CERS6: variants seen among roughly 807,000 people sequenced by gnomAD.
CERS6 encodes LAG1 homolog, ceramide synthase 6.
A neutral mutation model predicts 56.8 loss-of-function variants in CERS6; 26 were observed. The ratio of observed to expected loss-of-function variants is 0.46; its 90% CI spans 0.34 to 0.63. The LOEUF is 0.63. Among genes scored for constraint, CERS6 ranks in the 30% least tolerant of loss-of-function variants. The pLI, the probability that CERS6 is intolerant of heterozygous loss-of-function variation, is 0.01. For synonymous variants in CERS6, 164 were observed against 173.3 expected, an observed-to-expected ratio of 0.95 and a Z score of 0.42; for missense variants, 415 against 467.5, an observed-to-expected ratio of 0.89 and a Z score of 1.04.
chr2:168,765,476 C>A, intron 8 of CERS6, 116 bp from the exon 9 acceptor site: 2 of 1,018,624 alleles, frequency 2.0e-6, no homozygotes, highest in Non-Finnish European at 2.8e-6. Flanking sequence ...ACCATCCTGC[C>A]AGAGAGGGGG....
At chr2:168,505,382 C>CAAAAAAAAAAAAAAAAAAA (rs370477008) in intron 1 of CERS6, among the ~76,000 whole-genome samples, 2 of 96,376 alleles carry the variant, frequency 2.1e-5, no homozygotes, top group Non-Finnish European at 3.9e-5. Context: ...ACCCTGTTTC[C>CAAAAAAAAAAAAAAAAAAA]AAAAAAAAAA....
chr2:168,574,286 AT>A (rs1333477960), intron 3 of CERS6, among the ~76,000 whole-genome samples: 1 of 152,162 alleles, frequency 6.6e-6, no homozygotes, highest in Non-Finnish European at 1.5e-5. Context: ...TCTTTGGCGT[AT>A]TAAAACCCAA....
chr2:168,729,013 A>C (rs1683439388), intron 8 of CERS6, among the ~76,000 whole-genome samples: 1 of 151,350 alleles, frequency 6.6e-6, no homozygotes, highest in Non-Finnish European at 1.5e-5. Context: ...CTGTCTCAAA[A>C]AAAAAAAAAA....
intron 3 of CERS6, among the ~76,000 whole-genome samples, chr2:168,589,409 A>G (rs1180935558): frequency 6.6e-6 from 1 of 152,214 alleles, no homozygotes; most frequent in Non-Finnish European, 1.5e-5. Flanking sequence ...TGGAGCTGGT[A>G]TTTGAGTCAG....
At chr2:168,466,275 A>G (rs555683271) in intron 1 of CERS6, among the ~76,000 whole-genome samples, 3 of 152,306 alleles carry the variant, frequency 2.0e-5, no homozygotes, top group Admixed American at 6.5e-5. Flanking sequence ...AGAAAAGCAC[A>G]TTGCATAGTT....
chr2:168,456,359 G>A lies in CERS6; in HGVS notation c.-90G>A. 9.5e-7 allele frequency: 1 copy of A among 1,053,404 alleles called. No individual in the cohort carries two copies. The highest frequency in any genetic ancestry group is 2.5e-5 in the South Asian group (1 of 40,116). The allele number at this position is 1,053,404 out of a possible 1,614,324, so 65.3% of individuals were successfully genotyped here. On this transcript the variant is annotated 5_prime_UTR_variant, in exon 1 of 10. Coordinates refer to ENST00000305747, the MANE Select transcript of CERS6 (RefSeq NM_203463.3). The surrounding 1 kb of genome is among the most constrained non-coding windows in gnomAD (Gnocchi z 4.1). ...CAGCGGCGGCGGCGGCACAGGCTCG[G>A]GGCCAGCCGGGCGCGCATCCCCGGG...
At chr2:168,548,937 C>T (rs1014551219) in intron 2 of CERS6, among the ~76,000 whole-genome samples, 2 of 152,052 alleles carry the variant, frequency 1.3e-5, no homozygotes, top group Admixed American at 1.3e-4. Flanking sequence ...AGGTTCCTGT[C>T]TGAAGGGACA....
intron 4 of CERS6, among the ~76,000 whole-genome samples, chr2:168,671,355 A>T (rs1347181027): frequency 6.6e-6 from 1 of 152,192 alleles, no homozygotes; most frequent in Non-Finnish European, 1.5e-5. Flanking sequence ...CACTTGTTAA[A>T]GTGGCGTCAT....
At chr2:168,718,087 G>T (rs890487990) in intron 8 of CERS6, 109 bp downstream of exon 8, 2 of 714,838 alleles carry the variant, frequency 2.8e-6, no homozygotes, top group Non-Finnish European at 4.6e-6. Context: ...AAATATATTG[G>T]GGGGGAGGGG....
intron 3 of CERS6, among the ~76,000 whole-genome samples, chr2:168,562,407 G>A (rs1263450086): frequency 6.6e-6 from 1 of 152,184 alleles, no homozygotes; most frequent in Non-Finnish European, 1.5e-5. Context: ...ACCAGCCTCT[G>A]AGTTCCCTCA....
chr2:168,712,167 A>G (rs1397380375), intron 6 of CERS6, among the ~76,000 whole-genome samples: 2 of 152,158 alleles, frequency 1.3e-5, no homozygotes, highest in Admixed American at 1.3e-4. Context: ...AAGAGACACC[A>G]CTAGGGGCCT....
chr2:168,654,960 A>T (rs1201029867), intron 4 of CERS6, among the ~76,000 whole-genome samples: 1 of 152,180 alleles, frequency 6.6e-6, no homozygotes, highest in Non-Finnish European at 1.5e-5. Flanking sequence ...TCTTATCCTA[A>T]GTTAGTTGCT....
chr2:168,477,498 T>TA (rs1203692744), intron 1 of CERS6, among the ~76,000 whole-genome samples: 2 of 152,238 alleles, frequency 1.3e-5, no homozygotes, highest in Non-Finnish European at 2.9e-5. Context: ...GCAGAATTTT[T>TA]AACATTTTAT....
chr2:168,529,599 C>T (rs756148123), intron 1 of CERS6, among the ~76,000 whole-genome samples: 6 of 152,206 alleles, frequency 3.9e-5, no homozygotes, highest in Middle Eastern at 3.4e-3. Flanking sequence ...ACATGTGTCA[C>T]CAACTCAACA....
At chr2:168,709,748 C>T (rs993196222) in intron 6 of CERS6, among the ~76,000 whole-genome samples, 3 of 152,146 alleles carry the variant, frequency 2.0e-5, no homozygotes, top group African/African-American at 4.8e-5. Flanking sequence ...TCTATGTGTG[C>T]ACTAATCACT....
At chr2:168,644,709 C>T (rs1685131231) in intron 4 of CERS6, among the ~76,000 whole-genome samples, 1 of 152,016 alleles carries the variant, frequency 6.6e-6, no homozygotes, top group South Asian at 2.1e-4. Flanking sequence ...ACCATTTCCT[C>T]CTTGTTAGGA....
At chr2:168,508,711 G>C (rs1178432362) in intron 1 of CERS6, among the ~76,000 whole-genome samples, 5 of 152,004 alleles carry the variant, frequency 3.3e-5, no homozygotes, top group Admixed American at 3.3e-4. Flanking sequence ...GGCCCTGTCG[G>C]GGGGTGGGGG....
intron 8 of CERS6, among the ~76,000 whole-genome samples, chr2:168,742,316 A>C (rs957357001): frequency 6.6e-6 from 1 of 152,224 alleles, no homozygotes; most frequent in African/African-American, 2.4e-5. Context: ...GCCAAATACA[A>C]TTATCATGGA....
intron 1 of CERS6, among the ~76,000 whole-genome samples, chr2:168,536,750 G>T (rs947398550): frequency 1.3e-5 from 2 of 152,108 alleles, no homozygotes; most frequent in African/African-American, 4.8e-5. Flanking sequence ...TATAAAGAAA[G>T]ATCTGGTAGC....
Sources: gnomAD v4.1 joint callset for allele counts (sites outside exome capture counted in the v4.1 genomes callset) on GRCh38, gnomAD v4.1.1 for gene constraint, Gnocchi (gnomAD v3.1) non-coding constraint, MANE v1.5 for transcripts, NCBI Gene and HGNC (gene_info 2026-07-23, HGNC 2026-07-21) for gene names.